Variants in GABRB1 observed in about 807,000 individuals in gnomAD.
GABRB1 encodes the protein gamma-aminobutyric acid type A receptor subunit beta1.
GABRB1 carries 17 observed loss-of-function variants against 51.6 expected under a neutral mutation model. That is an observed-to-expected ratio of 0.33 (90% confidence interval 0.23 to 0.49). The LOEUF (loss-of-function observed/expected upper bound fraction) is 0.49. GABRB1 is among the 20% of genes least tolerant of loss of function. The pLI is 0.99. For missense variants in GABRB1, 410 were observed against 600.6 expected, an observed-to-expected ratio of 0.68 and a Z score of 3.32; for synonymous variants, 247 against 218.9, an observed-to-expected ratio of 1.13 and a Z score of -1.14.
chr4:47,019,671 C>CT (rs1217927210), intron 1 of GABRB1, among the ~76,000 whole-genome samples: 43 of 136,794 alleles, frequency 3.1e-4, no homozygotes, highest in African/African-American at 1.2e-3. Flanking sequence ...TTCTTTCTTT[C>CT]TTTCTTTCCT....
intron 4 of GABRB1, among the ~76,000 whole-genome samples, chr4:47,206,072 C>T (rs1430160238): frequency 1.3e-5 from 2 of 151,920 alleles, no homozygotes; most frequent in Non-Finnish European, 2.9e-5. Context: ...AAAAATAGCA[C>T]TGAATATCTT....
chr4:47,183,619 A>G (rs2109773298), intron 4 of GABRB1, among the ~76,000 whole-genome samples: 1 of 151,594 alleles, frequency 6.6e-6, no homozygotes, highest in Non-Finnish European at 1.5e-5. Flanking sequence ...TGTCATATAA[A>G]TACCTTCTTT....
At chr4:47,314,552 C>T in intron 4 of GABRB1, among the ~76,000 whole-genome samples, 1 of 151,980 alleles carries the variant, frequency 6.6e-6, no homozygotes, top group East Asian at 1.9e-4. Context: ...GCTCAAATAA[C>T]ACTCTCAAGT....
intron 5 of GABRB1, among the ~76,000 whole-genome samples, chr4:47,384,029 C>G (rs1240627918): frequency 2.0e-5 from 3 of 152,058 alleles, no homozygotes; most frequent in African/African-American, 7.2e-5. Context: ...TGAGTGCCCT[C>G]TACAGGATAT....
intron 3 of GABRB1, among the ~76,000 whole-genome samples, chr4:47,081,184 A>G (rs901766387): frequency 1.3e-5 from 2 of 152,208 alleles, no homozygotes; most frequent in African/African-American, 2.4e-5. Flanking sequence ...TAATGGATCA[A>G]CCATAGCCAC....
chr4:47,288,028 C>T (rs1283171036), intron 4 of GABRB1, among the ~76,000 whole-genome samples: 3 of 152,192 alleles, frequency 2.0e-5, no homozygotes, highest in Non-Finnish European at 4.4e-5. Context: ...CACTAAACTA[C>T]ATCAAGCCCA....
chr4:47,145,213 T>C (rs1422147511), intron 3 of GABRB1, among the ~76,000 whole-genome samples: 1 of 152,032 alleles, frequency 6.6e-6, no homozygotes, highest in Non-Finnish European at 1.5e-5. Context: ...AGCTAGATTA[T>C]TGAAAACCTT....
At position 47,262,178 on chromosome 4, in the gene GABRB1, C is replaced by A. The variant is rs373771272; in HGVS notation, c.462-57949C>A. ...ACACCAAAAGCAATGGCAACAAAAG[C>A]CAAAATTGACAAATGGGATCTCATT... is the stretch of plus-strand genomic sequence containing the variant. On this transcript the variant is annotated intron_variant, in intron 4 of 8. Transcript: ENST00000295454. 6.9e-4 allele frequency among the ~76,000 whole-genome samples: 105 copies of A among 151,566 alleles called. No homozygotes were observed. In the East Asian group the frequency reaches 0.013, roughly 18 times the overall value.
At chr4:47,399,048 T>C (rs554109101) in intron 5 of GABRB1, among the ~76,000 whole-genome samples, 3 of 152,296 alleles carry the variant, frequency 2.0e-5, no homozygotes, top group East Asian at 3.9e-4. Flanking sequence ...CCTTGGCCTC[T>C]CGAAGTGCTG....
chr4:47,070,800 T>C (rs1456642128), intron 3 of GABRB1, among the ~76,000 whole-genome samples: 1 of 152,182 alleles, frequency 6.6e-6, no homozygotes, highest in East Asian at 1.9e-4. Context: ...ACCTTTTCTG[T>C]TTTCCACCTA....
upstream of GABRB1, among the ~76,000 whole-genome samples, chr4:47,029,933 A>T (rs1352164076): frequency 6.6e-6 from 1 of 152,082 alleles, no homozygotes; most frequent in African/African-American, 2.4e-5. Context: ...TAATGTCTTG[A>T]TATCTCAAAG....
intron 4 of GABRB1, among the ~76,000 whole-genome samples, chr4:47,302,950 A>G (rs1304471980): frequency 6.6e-6 from 1 of 152,004 alleles, no homozygotes; most frequent in Admixed American, 6.6e-5. Flanking sequence ...AGTTCTATGT[A>G]TCATTTCCCT....
intron 3 of GABRB1, among the ~76,000 whole-genome samples, chr4:47,082,356 A>G (rs1727886559): frequency 6.6e-6 from 1 of 152,110 alleles, no homozygotes; most frequent in African/African-American, 2.4e-5. Context: ...ACTGCTGCCT[A>G]TGATGCCTCT....
chr4:47,218,231 C>T (rs2109819851), intron 4 of GABRB1, among the ~76,000 whole-genome samples: 1 of 151,906 alleles, frequency 6.6e-6, no homozygotes, highest in Non-Finnish European at 1.5e-5. Context: ...TTTATCCATT[C>T]ATCTATCACT....
At chr4:47,401,840 C>CATCTATCT (rs748902414) in intron 5 of GABRB1, among the ~76,000 whole-genome samples, 3 of 41,494 alleles carry the variant, frequency 7.2e-5, no homozygotes, top group Non-Finnish European at 1.5e-4. Flanking sequence ...ATCTATCTAT[C>CATCTATCT]ATCTATCTAT....
At chr4:47,415,690 G>T (rs1337332840) in intron 8 of GABRB1, among the ~76,000 whole-genome samples, 2 of 152,192 alleles carry the variant, frequency 1.3e-5, no homozygotes, top group Non-Finnish European at 2.9e-5. Flanking sequence ...AATCAGACAG[G>T]TCAAACGAAT....
chr4:47,105,652 C>G (rs1310372193), intron 3 of GABRB1, among the ~76,000 whole-genome samples: 4 of 152,092 alleles, frequency 2.6e-5, no homozygotes, highest in African/African-American at 9.7e-5. Context: ...GTCTCTTCCT[C>G]TAGAATTTTA....
chr4:47,195,984 A>G (rs1434790163), intron 4 of GABRB1, among the ~76,000 whole-genome samples: 1 of 152,264 alleles, frequency 6.6e-6, no homozygotes, highest in Non-Finnish European at 1.5e-5. Flanking sequence ...CTTGCTAGAC[A>G]TTCCTGCTTG....
intron 5 of GABRB1, among the ~76,000 whole-genome samples, chr4:47,342,869 G>A (rs1725954174): frequency 6.6e-6 from 1 of 151,982 alleles, no homozygotes; most frequent in African/African-American, 2.4e-5. Flanking sequence ...TAGAGAAATG[G>A]ATCAATTACC....
Sources: allele counts gnomAD v4.1 joint callset (sites outside exome capture counted in the v4.1 genomes callset), GRCh38; gene constraint gnomAD v4.1.1; transcripts MANE v1.5; gene names NCBI Gene and HGNC (gene_info 2026-07-23, HGNC 2026-07-21).